ELOB: variants seen among roughly 807,000 people sequenced by gnomAD.
ELOB encodes the protein elongin-B.
ELOB carries 3 observed loss-of-function variants against 12.9 expected under a neutral mutation model. The ratio of observed to expected loss-of-function variants is 0.23; its 90% CI spans 0.11 to 0.60. The LOEUF (loss-of-function observed/expected upper bound fraction) is 0.60. ELOB is among the 20% of genes least tolerant of loss of function. The pLI is 0.89. For synonymous variants in ELOB, 84 were observed against 67.4 expected (o/e 1.25, Z -1.21); for missense variants, 126 against 159.2 (o/e 0.79, Z 1.12).
Position 2,771,983 on chromosome 16 carries a change from G to A in ELOB, c.*7C>T, listed in dbSNP as rs201849867. 13,954 of 1,547,002 alleles carry A rather than the reference G, an allele frequency of 9.0e-3. 70 individuals are homozygous for A. Among genetic ancestry groups the A allele is most frequent in the Non-Finnish European group, 0.011 (12,190 of 1,142,876 alleles). The stretch of plus-strand genomic sequence containing the variant: ...TTTATTGGGGGAAATGGGCCTCTTG[G>A]GGGTCCTCACTGCACGGCTTGTTCA... On this transcript the variant is annotated 3_prime_UTR_variant, in exon 4 of 4. Transcript: ENST00000409906.
chr16:2,772,255 TC>T, intron 3 of ELOB, 153 bp from the exon 4 acceptor site: 1 of 891,052 alleles, frequency 1.1e-6, no homozygotes, highest in Non-Finnish European at 1.6e-6. Context: ...ACCTCCCTGT[TC>T]CAGCTACCCC....
rs967206788 is a variant in ELOB at position 2,771,491 on chromosome 16, T to G, written c.*499A>C. The G allele has an allele frequency of 1.2e-6, 2 of 1,614,118 alleles. No individual in the cohort carries two copies. Among genetic ancestry groups the G allele is most frequent in the African/African-American group, 2.7e-5 (2 of 74,946 alleles). On this transcript the variant is annotated 3_prime_UTR_variant, in exon 4 of 4. Coordinates refer to ENST00000409906, the MANE Select transcript of ELOB (RefSeq NM_007108.4). ...CCGTGATTACAGCCCCCAGCGTGGGTGGACCTGTGTGGGTCCGTCTTGGGG... is the reference window on the plus strand; with the variant it reads ...CCGTGATTACAGCCCCCAGCGTGGGGGGACCTGTGTGGGTCCGTCTTGGGG...
In ELOB at chr16:2,777,021, C is replaced by T; in HGVS notation, c.110G>A (p.Arg37Gln). Residue 37 changes from arginine (R) to glutamine (Q), a missense_variant, in exon 2 of 4, where the codon CGG becomes CAG. Transcript: ENST00000409906. The part of the protein sequence containing the change: ...LKRIVEGILK[R>Q]PPDEQRLYKD... ...GTACAGCCGCTGCTCGTCAGGAGGCCGCTTGAGGATGCCCTCGACGATGCG... is the reference window on the plus strand; with the variant it reads ...GTACAGCCGCTGCTCGTCAGGAGGCTGCTTGAGGATGCCCTCGACGATGCG... 6.2e-7 allele frequency: 1 copy of T among 1,601,134 alleles called. No homozygotes were observed. The highest frequency in any genetic ancestry group is 8.5e-7 in the Non-Finnish European group (1 of 1,175,504).
chr16:2,776,984 G>A lies in ELOB; in HGVS notation c.138+9C>T, dbSNP rs777376461. 3.5e-5 allele frequency: 55 copies of A among 1,564,186 alleles called. No homozygotes were observed. Among genetic ancestry groups the A allele is most frequent in the Non-Finnish European group, 4.6e-5 (53 of 1,156,332 alleles). ...TACCCGCTCCCCTCGGCCCGCCCGC[G>A]GGACCCACCTTGTACAGCCGCTGCT... On this transcript the variant is annotated intron_variant, in intron 2 of 3. Coordinates refer to ENST00000409906, the MANE Select transcript of ELOB (RefSeq NM_007108.4).
chr16:2,775,341 A>G, intron 3 of ELOB, 110 bp downstream of exon 3: 1 of 613,242 alleles, frequency 1.6e-6, no homozygotes, highest in Non-Finnish European at 2.6e-6. Flanking sequence ...AGGCACGAGG[A>G]AGACACTGCC....
At chr16:2,775,392 G>C (rs977792126) in intron 3 of ELOB, 59 bp downstream of exon 3, 31 of 1,314,030 alleles carry the variant, frequency 2.4e-5, no homozygotes, top group East Asian at 9.5e-5. Context: ...ACCTTCTTTG[G>C]AACAGTGTTC....
Position 2,771,976 on chromosome 16 carries a change from C to A in ELOB, c.*14G>T, listed in dbSNP as rs777876186. On this transcript the variant is annotated 3_prime_UTR_variant, in exon 4 of 4. Coordinates refer to ENST00000409906, the MANE Select transcript of ELOB (RefSeq NM_007108.4). Reference sequence around the variant, plus strand: ...AATCTCTTTTATTGGGGGAAATGGGCCTCTTGGGGGTCCTCACTGCACGGC... The same window carrying A: ...AATCTCTTTTATTGGGGGAAATGGGACTCTTGGGGGTCCTCACTGCACGGC... 6.5e-7 allele frequency: 1 copy of A among 1,544,360 alleles called. No individual in the cohort carries two copies. Among genetic ancestry groups the A allele is most frequent in the Non-Finnish European group, 8.8e-7 (1 of 1,141,454 alleles).
In ELOB at chr16:2,771,532, T is replaced by C; in HGVS notation, c.*458A>G. On this transcript the variant is annotated 3_prime_UTR_variant, in exon 4 of 4. Coordinates refer to ENST00000409906, the MANE Select transcript of ELOB (RefSeq NM_007108.4). ...CGTCTTGGGGTTCCCTCGTTGAACA[T>C]GCTGTCAAACCAGGACACTGGCTCC... is the stretch of plus-strand genomic sequence containing the variant. 2 of 1,614,188 alleles carry C rather than the reference T, an allele frequency of 1.2e-6. No homozygotes were observed. Among genetic ancestry groups the C allele is most frequent in the Non-Finnish European group, 1.7e-6 (2 of 1,180,024 alleles).
intron 3 of ELOB, among the ~76,000 whole-genome samples, chr16:2,773,029 T>TA (rs1211446743): frequency 1.3e-5 from 2 of 152,166 alleles, no homozygotes; most frequent in African/African-American, 2.4e-5. Context: ...TAGGGGCACT[T>TA]ACCACTGGAC....
At chr16:2,772,123 CTGCAGGGGGGT>C in intron 3 of ELOB, 21 bp from the exon 4 acceptor site, 1 of 1,577,056 alleles carries the variant, frequency 6.3e-7, no homozygotes, top group Non-Finnish European at 8.6e-7. Flanking sequence ...AGCAGCAGAG[CTGCAGGGGGGT>C]ATTCCAGCTC....
chr16:2,776,456 C>G (rs1329516956), intron 2 of ELOB, among the ~76,000 whole-genome samples: 1 of 152,176 alleles, frequency 6.6e-6, no homozygotes, highest in Non-Finnish European at 1.5e-5. Flanking sequence ...AGTTCGTTTG[C>G]AAGGGGAAAG....
intron 1 of ELOB, 42 bp downstream of exon 1, chr16:2,777,195 C>A (rs1052952599): frequency 2.0e-6 from 2 of 1,005,408 alleles, no homozygotes; most frequent in East Asian, 2.1e-4. Context: ...CCCCCCGCCG[C>A]CCCCGGCCCG....
At chr16:2,774,187 G>A (rs3094782) in intron 3 of ELOB, among the ~76,000 whole-genome samples, 115,055 of 151,708 alleles carry the variant, frequency 0.76, 44,492 homozygotes, top group Admixed American at 0.84. Context: ...CTGAGATGGC[G>A]CCACTGCACT....
intron 3 of ELOB, among the ~76,000 whole-genome samples, chr16:2,775,218 T>C (rs1042545641): frequency 7.2e-5 from 11 of 152,002 alleles, no homozygotes; most frequent in Non-Finnish European, 1.2e-4. Flanking sequence ...AAATGTGAGC[T>C]GGCTTCACAA....
At position 2,771,965 on chromosome 16, in the gene ELOB, G is replaced by C; in HGVS notation, c.*25C>G. ...GCAGACTCCCAAATCTCTTTTATTG[G>C]GGGAAATGGGCCTCTTGGGGGTCCT... On this transcript the variant is annotated 3_prime_UTR_variant, in exon 4 of 4. Coordinates refer to ENST00000409906, the MANE Select transcript of ELOB (RefSeq NM_007108.4). 2 of 1,561,624 alleles carry C rather than the reference G, an allele frequency of 1.3e-6. No individual in the cohort carries two copies. The highest frequency in any genetic ancestry group is 1.1e-5 in the South Asian group (1 of 88,764).
At chr16:2,772,401 C>T (rs2068765466) in intron 3 of ELOB, 1 of 222,228 alleles carries the variant, frequency 4.5e-6, no homozygotes, top group Non-Finnish European at 8.9e-6. Context: ...CCATCTGCAG[C>T]CAGCATCACC....
rs1166537640 is a variant in ELOB, at chr16:2,772,110, G to T, written c.245-8C>A. 1 of 1,596,308 alleles carries T rather than the reference G, an allele frequency of 6.3e-7. No homozygotes were observed. The highest frequency in any genetic ancestry group is 1.1e-5 in the South Asian group (1 of 89,264). On this transcript the variant is annotated splice_region_variant and splice_polypyrimidine_tract_variant and intron_variant, in intron 3 of 3. Transcript: ENST00000409906. ...GGGCCTCAAAGGTGTCATCTGTGGA[G>T]GAAGCAGCAGAGCTGCAGGGGGGTA...
At position 2,771,787 on chromosome 16, in the gene ELOB, C is replaced by G; in HGVS notation, c.*203G>C. ...CAGGGCAACCCAGGTCCCCATGGTG[C>G]CTTTAAGCAGCAGGCTGGGCCAAGT... On this transcript the variant is annotated 3_prime_UTR_variant, in exon 4 of 4. Coordinates refer to ENST00000409906, the MANE Select transcript of ELOB (RefSeq NM_007108.4). 4.1e-6 allele frequency: 6 copies of G among 1,458,490 alleles called. No homozygotes were observed. Among genetic ancestry groups the G allele is most frequent in the Non-Finnish European group, 5.4e-6 (6 of 1,110,028 alleles). 90.3% of individuals were successfully genotyped at this position (1,458,490 alleles called of 1,614,324 possible).
chr16:2,771,658 G>A lies in ELOB; in HGVS notation c.*332C>T. The A allele has an allele frequency of 6.2e-6, 10 of 1,610,986 alleles. No homozygotes were observed. The highest frequency in any genetic ancestry group is 8.5e-6 in the Non-Finnish European group (10 of 1,178,798). ...GAAAGGCCTAAAACTGGAATCTCTT[G>A]TCCCTGAGGCTGGCTCTGGTCTTTG... On this transcript the variant is annotated 3_prime_UTR_variant, in exon 4 of 4. Transcript: ENST00000409906.
Sources: allele counts gnomAD v4.1 joint callset (sites outside exome capture counted in the v4.1 genomes callset), GRCh38; gene constraint gnomAD v4.1.1; transcripts MANE v1.5; gene names NCBI Gene and HGNC (gene_info 2026-07-23, HGNC 2026-07-21).